ZNF425: variants seen among roughly 807,000 people sequenced by gnomAD.
ZNF425 encodes zinc finger protein 425.
Under a neutral mutation model 17.0 loss-of-function variants are expected in ZNF425, and 21 were observed. The ratio of observed to expected loss-of-function variants is 1.23; its 90% CI spans 0.88 to 1.78. The LOEUF is 1.78. Among genes scored for constraint, ZNF425 ranks in the 40% most tolerant of loss-of-function variants. The pLI is 0.00. For synonymous variants in ZNF425, 433 were observed against 384.1 expected, an observed-to-expected ratio of 1.13 and a Z score of -1.49; for missense variants, 868 against 967.3, an observed-to-expected ratio of 0.90 and a Z score of 1.36.
At chr7:149,122,765 G>T (rs552346300) in intron 1 of ZNF425, among the ~76,000 whole-genome samples, 4 of 151,652 alleles carry the variant, frequency 2.6e-5, no homozygotes, top group Non-Finnish European at 4.4e-5. Flanking sequence ...GCGCAATCTC[G>T]GCTCACTACA....
chr7:149,105,092 C>G lies in ZNF425; in HGVS notation c.779G>C (p.Ser260Thr), dbSNP rs527575215. The stretch of plus-strand genomic sequence containing the variant: ...GTGGACAACCTGATGAGTGACGAGG[C>G]TGCCCTTCAGGAAGTAGCTCTTCTC... The part of the protein sequence containing the change: ...ECEKSYFLKG[S>T]LVTHQVVHTG... The change falls in exon 4 of 4, where the codon AGC becomes ACC. Residue 260 changes from serine (S) to threonine (T), a missense_variant. By Grantham distance (58) the Ser-to-Thr change is moderately conservative. Around this residue, in one of 5 missense-constraint regions of ZNF425, gnomAD observed 243 missense variants for 265.2 expected, o/e 0.92. Transcript: ENST00000378061. The G allele has an allele frequency of 1.2e-6, 2 of 1,614,244 alleles. No individual in the cohort carries two copies. Among genetic ancestry groups the G allele is most frequent in the South Asian group, 2.2e-5 (2 of 91,092 alleles).
chr7:149,116,472 C>A (rs1826267836), intron 2 of ZNF425, among the ~76,000 whole-genome samples: 1 of 152,130 alleles, frequency 6.6e-6, no homozygotes, highest in Non-Finnish European at 1.5e-5. Flanking sequence ...CCTCTAAAGC[C>A]TATCTGGAGA....
intron 2 of ZNF425, among the ~76,000 whole-genome samples, chr7:149,112,580 T>A (rs1001141235): frequency 1.3e-5 from 2 of 152,146 alleles, no homozygotes; most frequent in African/African-American, 4.8e-5. Context: ...TTATAGTGAG[T>A]AGAGATCGCG....
intron 3 of ZNF425, among the ~76,000 whole-genome samples, chr7:149,110,544 C>T (rs1380468578): frequency 4.1e-5 from 6 of 147,458 alleles, no homozygotes; most frequent in South Asian, 2.1e-4. Flanking sequence ...CCAGCCTCAT[C>T]GACAGAGTGA....
Position 149,104,893 on chromosome 7 carries a change from T to C in ZNF425, c.978A>G (p.Gly326=), listed in dbSNP as rs1202332689. The part of the protein sequence containing the change: ...ELTEHLRLHS[G]EKPFQCPQCD... ...ACTGCGGACACTGGAAGGGCTTCTC[T>C]CCGCTGTGCAGCCGCAAGTGCTCCG... The change falls in exon 4 of 4, where the codon GGA becomes GGG. Residue 326 remains glycine (G), a synonymous_variant. Transcript: ENST00000378061. This position sits in a 1 kb window ranked among gnomAD's most constrained non-coding sequence, Gnocchi z 4.3. 2 of 1,613,212 alleles carry C rather than the reference T, an allele frequency of 1.2e-6. No homozygotes were observed. Among genetic ancestry groups the C allele is most frequent in the African/African-American group, 2.7e-5 (2 of 74,836 alleles).
intron 3 of ZNF425, among the ~76,000 whole-genome samples, chr7:149,110,094 TCGAACTCCTGACCTCATGTGATC>T (rs1202793850): frequency 1.7e-4 from 26 of 151,014 alleles, no homozygotes; most frequent in African/African-American, 6.1e-4. Flanking sequence ...AAGGCTGGTC[TCGAACTCCTGACCTCATGTGATC>T]CGACCTCCTC....
At position 149,104,027 on chromosome 7, in the gene ZNF425, C is replaced by T; in HGVS notation, c.1844G>A (p.Cys615Tyr). The T allele has an allele frequency of 6.2e-7, 1 of 1,613,804 alleles. No individual in the cohort carries two copies. Among genetic ancestry groups the T allele is most frequent in the Middle Eastern group, 1.6e-4 (1 of 6,062 alleles). The change falls in exon 4 of 4, where the codon TGC becomes TAC. Residue 615 changes from cysteine to tyrosine, a missense_variant. By Grantham distance (194) the Cys-to-Tyr change is radical (BLOSUM62 -2). This residue lies in a region of ZNF425 where 437 missense variants were observed against 444.2 expected (regional missense o/e 0.98). Coordinates refer to ENST00000378061, the MANE Select transcript of ZNF425 (RefSeq NM_001001661.3). This position sits in a 1 kb window ranked among gnomAD's most constrained non-coding sequence, Gnocchi z 4.3. Reference protein sequence around the residue: ...SGEKPYQCPECEKTFRLKGNL... With the variant: ...SGEKPYQCPEYEKTFRLKGNL... ...TCCCTTGAGGCGGAAAGTCTTCTCGCATTCAGGACACTGGTAGGGCTTCTC... is the reference window on the plus strand; with the variant it reads ...TCCCTTGAGGCGGAAAGTCTTCTCGTATTCAGGACACTGGTAGGGCTTCTC...
At chr7:149,110,544 C>G (rs1380468578) in intron 3 of ZNF425, among the ~76,000 whole-genome samples, 1 of 147,460 alleles carries the variant, frequency 6.8e-6, no homozygotes, top group African/African-American at 2.5e-5. Flanking sequence ...CCAGCCTCAT[C>G]GACAGAGTGA....
Position 149,104,107 on chromosome 7 carries a change from GTCACACTCACCGCACGCGAAGGGCTTC to G in ZNF425, c.1737_1763del (p.Glu579_Cys587del), listed in dbSNP as rs1826026380. Reference sequence around the variant, plus strand: ...GCTGAGACTGATGCGTGTAGGTCTTGTCACACTCACCGCACGCGAAGGGCTTCTCGTCCCTGTGCATCCGCTGGTGGA... The same window carrying G: ...GCTGAGACTGATGCGTGTAGGTCTTGTCGTCCCTGTGCATCCGCTGGTGGA... On this transcript the variant is annotated inframe_deletion, in exon 4 of 4. Transcript: ENST00000378061. This position sits in a 1 kb window ranked among gnomAD's most constrained non-coding sequence, Gnocchi z 4.3. 1.9e-6 allele frequency: 3 copies of G among 1,612,724 alleles called. No homozygotes were observed. Among genetic ancestry groups the G allele is most frequent in the Non-Finnish European group, 2.5e-6 (3 of 1,179,970 alleles).
At chr7:149,125,912 TC>T in intron 1 of ZNF425, 1 of 602,300 alleles carries the variant, frequency 1.7e-6, no homozygotes, top group Non-Finnish European at 2.9e-6. Context: ...AGCGCAGAGC[TC>T]CCGGGCTCAA....
intron 2 of ZNF425, among the ~76,000 whole-genome samples, chr7:149,114,225 ATT>A (rs398006742): frequency 8.1e-4 from 67 of 82,554 alleles, no homozygotes; most frequent in African/African-American, 2.1e-3. Context: ...CGCCCAGCTA[ATT>A]TTTTTTTTTT....
At chr7:149,125,903 G>A (rs1826457815) in intron 1 of ZNF425, 5 of 589,252 alleles carry the variant, frequency 8.5e-6, no homozygotes, top group South Asian at 7.8e-5. Context: ...CGCATATACA[G>A]CGCAGAGCTC....
chr7:149,112,954 C>T lies in ZNF425; in HGVS notation c.146-659G>A, dbSNP rs1019643238. ...TGCTGGGATTATAGGGGTGAGCCAC[C>T]GCGCCCAGCCCCGTGACCCTTTTTT... On this transcript the variant is annotated intron_variant, in intron 2 of 3. Coordinates refer to ENST00000378061, the MANE Select transcript of ZNF425 (RefSeq NM_001001661.3). 3.1e-4 allele frequency among the ~76,000 whole-genome samples: 47 copies of T among 150,552 alleles called. 1 individual carries two copies. Among genetic ancestry groups the T allele is most frequent in the Admixed American group, 1.1e-3 (17 of 15,058 alleles).
At chr7:149,124,582 C>G (rs1280193622) in intron 1 of ZNF425, among the ~76,000 whole-genome samples, 1 of 152,188 alleles carries the variant, frequency 6.6e-6, no homozygotes, top group East Asian at 1.9e-4. Context: ...GCTCTTGTTG[C>G]CCAGGCTGGA....
chr7:149,105,177 C>T lies in ZNF425; in HGVS notation c.694G>A (p.Glu232Lys), dbSNP rs762330290. ...AGGAGCCTCTGCGTCCGCCTGAGTT[C>T]GGACTTCCCTCTGGACGAGTTTTTG... ...KYKNSSRGKS[E>K]LRRTQRLLCQ... Residue 232 changes from glutamate (E) to lysine (K), a missense_variant, in exon 4 of 4, where the codon GAA becomes AAA. Glu to Lys is a moderately conservative substitution (Grantham distance 56, BLOSUM62 1). Coordinates refer to ENST00000378061, the MANE Select transcript of ZNF425 (RefSeq NM_001001661.3). 4 of 1,614,092 alleles carry T rather than the reference C, an allele frequency of 2.5e-6. No homozygotes were observed. In the African/African-American group the frequency reaches 5.3e-5, roughly 22 times the overall value.
chr7:149,104,322 GGTGC>G lies in ZNF425; in HGVS notation c.1545_1548del (p.Gln515HisfsTer2), dbSNP rs1435525138. The G allele has an allele frequency of 1.2e-6, 2 of 1,613,330 alleles. No homozygotes were observed. The highest frequency in any genetic ancestry group is 2.7e-5 in the African/African-American group (2 of 74,950). ...GGCTTTTCCGTGGTGTGGACCTTCAGGTGCTGCGTGAGCCGCGACTGCTGAGAAA... is the reference window on the plus strand; with the variant it reads ...GGCTTTTCCGTGGTGTGGACCTTCAGTGCGTGAGCCGCGACTGCTGAGAAA... On this transcript the variant is annotated frameshift_variant, in exon 4 of 4. Transcript: ENST00000378061. LOFTEE classifies it low-confidence loss of function (END_TRUNC). This position sits in a 1 kb window ranked among gnomAD's most constrained non-coding sequence, Gnocchi z 4.3.
At chr7:149,122,079 CTT>C (rs1187182130) in intron 1 of ZNF425, among the ~76,000 whole-genome samples, 9 of 129,084 alleles carry the variant, frequency 7.0e-5, no homozygotes, top group Non-Finnish European at 6.6e-5. Flanking sequence ...CCACCGCCGG[CTT>C]TTTTTTTTTT....
intron 2 of ZNF425, among the ~76,000 whole-genome samples, chr7:149,114,351 C>T (rs538266396): frequency 6.2e-5 from 9 of 146,294 alleles, no homozygotes; most frequent in Non-Finnish European, 7.4e-5. Flanking sequence ...GAATTACAGG[C>T]GTGAGCCACT....
intron 3 of ZNF425, among the ~76,000 whole-genome samples, chr7:149,107,423 C>T (rs978020391): frequency 2.6e-5 from 4 of 151,624 alleles, no homozygotes; most frequent in African/African-American, 9.7e-5. Flanking sequence ...CTGCAAGCTC[C>T]ACCTCCCGGG....
Sources: gnomAD v4.1 joint callset for allele counts (sites outside exome capture counted in the v4.1 genomes callset) on GRCh38, gnomAD v4.1.1 for gene constraint, gnomAD v4.1.1 regional missense constraint, Gnocchi (gnomAD v3.1) non-coding constraint, MANE v1.5 for transcripts, NCBI Gene and HGNC (gene_info 2026-07-23, HGNC 2026-07-21) for gene names.